Variants in RANBP2 observed in about 807,000 individuals in gnomAD.
The protein encoded by RANBP2 is E3 SUMO-protein ligase RanBP2.
A neutral mutation model predicts 303.6 loss-of-function variants in RANBP2; 57 were observed. That is an observed-to-expected ratio of 0.19 (90% CI 0.15 to 0.23). The LOEUF (loss-of-function observed/expected upper bound fraction) is 0.23. RANBP2 is among the 10% of genes least tolerant of loss of function. The probability of loss-of-function intolerance (pLI) is 1.00; values close to 1 mark genes in which losing one functional copy is unlikely to be tolerated. For missense variants in RANBP2, 3,138 were observed against 3,780.8 expected, an observed-to-expected ratio of 0.83 and a Z score of 4.46; for synonymous variants, 1,167 against 1,301.5, an observed-to-expected ratio of 0.90 and a Z score of 2.23.
the RANBP2 span, among the ~76,000 whole-genome samples, chr2:109,481,034 C>G: frequency 6.6e-6 from 1 of 152,150 alleles, no homozygotes; most frequent in Non-Finnish European, 1.5e-5. Context: ...AAGAGGACAC[C>G]GATAGGGAAA....
At chr2:109,211,845 G>A in the RANBP2 span, among the ~76,000 whole-genome samples, 1 of 152,150 alleles carries the variant, frequency 6.6e-6, no homozygotes, top group African/African-American at 2.4e-5. Context: ...GTTTCCCCAT[G>A]TTGGCCAGGC....
At chr2:109,770,724 G>A in the RANBP2 span, among the ~76,000 whole-genome samples, 1 of 12,742 alleles carries the variant, frequency 7.8e-5, no homozygotes, top group South Asian at 3.5e-3. Flanking sequence ...GATTAGCACC[G>A]GCATTATATT....
chr2:109,241,222 T>C, the RANBP2 span, among the ~76,000 whole-genome samples: 1 of 150,858 alleles, frequency 6.6e-6, no homozygotes, highest in African/African-American at 2.5e-5. Flanking sequence ...AGCAGTTTGT[T>C]TGTCTCTTGA....
the RANBP2 span, among the ~76,000 whole-genome samples, chr2:109,216,055 ACAGC>A: frequency 6.6e-6 from 1 of 152,168 alleles, no homozygotes; most frequent in Non-Finnish European, 1.5e-5. Flanking sequence ...AACAGGTAAG[ACAGC>A]CAAGCAGTCA....
the RANBP2 span, chr2:109,501,621 C>T: frequency 6.4e-6 from 5 of 777,942 alleles, no homozygotes; most frequent in Admixed American, 1.7e-5. Flanking sequence ...GACCCTGCAG[C>T]GGAACGGCCG....
the RANBP2 span, among the ~76,000 whole-genome samples, chr2:109,011,951 T>G: frequency 6.6e-6 from 1 of 152,150 alleles, no homozygotes; most frequent in Admixed American, 6.5e-5. Flanking sequence ...TTCTTTTAGA[T>G]GCAACATCTT....
At chr2:109,681,461 G>A in the RANBP2 span, among the ~76,000 whole-genome samples, 1 of 152,220 alleles carries the variant, frequency 6.6e-6, no homozygotes, top group Non-Finnish European at 1.5e-5. Context: ...GATATCTTTG[G>A]TTGGAGGTGG....
chr2:109,416,471 G>A, the RANBP2 span, among the ~76,000 whole-genome samples: 38 of 152,052 alleles, frequency 2.5e-4, no homozygotes, highest in African/African-American at 4.8e-4. Flanking sequence ...TGCAACTTCC[G>A]CCTCCTGGGT....
At chr2:109,199,597 T>TCAAC in the RANBP2 span, among the ~76,000 whole-genome samples, 2 of 274 alleles carry the variant, frequency 7.3e-3, no homozygotes, top group Admixed American at 0.036. Flanking sequence ...TGGAATGGAA[T>TCAAC]GGAATGGAAT....
Position 108,778,425 on chromosome 2 carries a change from A to C in RANBP2, c.8599+1194A>C, listed in dbSNP as rs191907814. ...GTTTTGTTTGTATCCACAGGTTTTC[A>C]TAGGGAATCTTTATACTTTTGTAAA... On this transcript the variant is annotated intron_variant, in intron 25 of 28. Transcript: ENST00000283195. 6.8e-4 allele frequency among the ~76,000 whole-genome samples: 104 copies of C among 152,332 alleles called. 1 individual carries two copies. The highest frequency in any genetic ancestry group is 1.2e-3 in the Admixed American group (19 of 15,304).
chr2:109,672,228 G>C, the RANBP2 span, among the ~76,000 whole-genome samples: 1 of 152,106 alleles, frequency 6.6e-6, no homozygotes, highest in Non-Finnish European at 1.5e-5. Context: ...GTTATTCAAG[G>C]AATCAAAAAA....
the RANBP2 span, among the ~76,000 whole-genome samples, chr2:109,419,886 A>G: frequency 6.6e-6 from 1 of 152,352 alleles, no homozygotes; most frequent in South Asian, 2.1e-4. Context: ...GAGTATTCAC[A>G]GTGCAGTTCC....
At chr2:109,098,318 C>T in the RANBP2 span, among the ~76,000 whole-genome samples, 3 of 152,322 alleles carry the variant, frequency 2.0e-5, no homozygotes, top group East Asian at 3.9e-4. Context: ...GCTAAAGCTC[C>T]ATATCACCAA....
chr2:108,842,117 T>C, the RANBP2 span, among the ~76,000 whole-genome samples: 1,999 of 152,206 alleles, frequency 0.013, 64 homozygotes, highest in South Asian at 0.082. Flanking sequence ...AGCCTCCAGC[T>C]CCTGGGCTCA....
chr2:109,282,352 C>T, the RANBP2 span, among the ~76,000 whole-genome samples: 1 of 151,950 alleles, frequency 6.6e-6, no homozygotes, highest in Non-Finnish European at 1.5e-5. Flanking sequence ...AAAAATCTAC[C>T]CCAGGGGAAA....
chr2:108,904,304 A>C, the RANBP2 span, among the ~76,000 whole-genome samples: 4 of 152,246 alleles, frequency 2.6e-5, no homozygotes, highest in African/African-American at 9.6e-5. Context: ...AAACATAGTA[A>C]CACCACCAAA....
chr2:108,786,393 C>CA (rs988342165), downstream of RANBP2, among the ~76,000 whole-genome samples: 2 of 151,984 alleles, frequency 1.3e-5, no homozygotes, highest in African/African-American at 4.8e-5. Flanking sequence ...ACTCCCGGCT[C>CA]AGATATACTC....
chr2:108,982,227 A>G, the RANBP2 span, among the ~76,000 whole-genome samples: 1 of 152,194 alleles, frequency 6.6e-6, no homozygotes, highest in South Asian at 2.1e-4. Flanking sequence ...TAACAAAGAA[A>G]TGTTCCAGGG....
the RANBP2 span, among the ~76,000 whole-genome samples, chr2:109,644,205 G>T: frequency 6.6e-6 from 1 of 151,808 alleles, no homozygotes; most frequent in Non-Finnish European, 1.5e-5. Context: ...TACTCCGGAG[G>T]CCGAGGCAGG....
Sources: allele counts gnomAD v4.1 joint callset (sites outside exome capture counted in the v4.1 genomes callset), GRCh38; gene constraint gnomAD v4.1.1; transcripts MANE v1.5; gene names NCBI Gene and HGNC (gene_info 2026-07-23, HGNC 2026-07-21).